The following NOL10 variants were observed in gnomAD, a reference collection of about 807,000 sequenced individuals.
The protein encoded by NOL10 is H_NH0074G24.1.
In NOL10, 58 loss-of-function variants were observed where a neutral mutation model predicts 103.5. The observed-to-expected ratio is 0.56, with a 90% CI of 0.45 to 0.70. NOL10 has a LOEUF of 0.70. NOL10 is among the 30% of genes least tolerant of loss of function. The pLI is 0.00. For synonymous variants in NOL10, 287 were observed against 282.5 expected (o/e 1.02, Z -0.16); for missense variants, 763 against 807.3 (o/e 0.95, Z 0.67).
chr2:10,654,879 A>G (rs1679722284), intron 11 of NOL10, among the ~76,000 whole-genome samples: 1 of 152,148 alleles, frequency 6.6e-6, no homozygotes, highest in South Asian at 2.1e-4. Context: ...ATCTCTCATA[A>G]TCTGTGAAGT....
intron 17 of NOL10, among the ~76,000 whole-genome samples, chr2:10,599,877 C>T (rs1400857607): frequency 6.6e-6 from 1 of 151,956 alleles, no homozygotes; most frequent in Non-Finnish European, 1.5e-5. Context: ...GTGCCAAGAG[C>T]TAGGAACAAG....
At chr2:10,625,322 C>A (rs1677391258) in intron 13 of NOL10, among the ~76,000 whole-genome samples, 1 of 151,984 alleles carries the variant, frequency 6.6e-6, no homozygotes, top group South Asian at 2.1e-4. Flanking sequence ...GCAAATGGAC[C>A]ACTCTGTTGT....
At chr2:10,669,853 C>T (rs1020004239) in intron 6 of NOL10, among the ~76,000 whole-genome samples, 1 of 151,718 alleles carries the variant, frequency 6.6e-6, no homozygotes, top group Non-Finnish European at 1.5e-5. Flanking sequence ...GATTGCACCA[C>T]TGCACTCCAG....
intron 14 of NOL10, among the ~76,000 whole-genome samples, chr2:10,606,285 A>C (rs1676253620): frequency 6.6e-6 from 1 of 151,272 alleles, no homozygotes; most frequent in Middle Eastern, 3.4e-3. Flanking sequence ...TACCCAATCC[A>C]TAGGGATGTG....
chr2:10,593,090 T>C (rs1204643975), intron 17 of NOL10, among the ~76,000 whole-genome samples: 4 of 152,190 alleles, frequency 2.6e-5, no homozygotes, highest in Admixed American at 6.5e-5. Flanking sequence ...TCCAACATAG[T>C]AACATATATG....
At chr2:10,657,249 C>T (rs1279609157) in intron 11 of NOL10, among the ~76,000 whole-genome samples, 1 of 151,530 alleles carries the variant, frequency 6.6e-6, no homozygotes, top group East Asian at 1.9e-4. Flanking sequence ...AACTGGGAGG[C>T]GGAGGTTACA....
In NOL10 at chr2:10,596,573, G is replaced by A. The variant is rs572998676; in HGVS notation, c.1422+4280C>T. 2.0e-5 allele frequency among the ~76,000 whole-genome samples: 3 copies of A among 152,268 alleles called. No individual in the cohort carries two copies. In the South Asian group the frequency reaches 6.2e-4, roughly 32 times the overall value. Reference sequence around the variant, plus strand: ...TCTAATGTGGCCACTGACCTGACAGGAGGTGGGGCTCAGGCAGTAATGTGA... The same window carrying A: ...TCTAATGTGGCCACTGACCTGACAGAAGGTGGGGCTCAGGCAGTAATGTGA... On this transcript the variant is annotated intron_variant, in intron 17 of 20. Coordinates refer to ENST00000381685, the MANE Select transcript of NOL10 (RefSeq NM_024894.4).
chr2:10,614,880 G>A (rs1388028182), intron 13 of NOL10, among the ~76,000 whole-genome samples: 1 of 152,150 alleles, frequency 6.6e-6, no homozygotes, highest in Non-Finnish European at 1.5e-5. Flanking sequence ...GTGGGAAAAT[G>A]GGATTTTGCC....
chr2:10,638,055 G>A (rs1376005777), intron 13 of NOL10, among the ~76,000 whole-genome samples: 3 of 152,332 alleles, frequency 2.0e-5, no homozygotes, highest in South Asian at 2.1e-4. Context: ...GCCAACGTGG[G>A]AGGATCGCTT....
At chr2:10,618,262 A>T (rs1485034768) in intron 13 of NOL10, among the ~76,000 whole-genome samples, 1 of 151,476 alleles carries the variant, frequency 6.6e-6, no homozygotes, top group Non-Finnish European at 1.5e-5. Flanking sequence ...AAATGAATTA[A>T]GGAGGTTATT....
intron 20 of NOL10, among the ~76,000 whole-genome samples, chr2:10,573,040 T>C (rs1230278097): frequency 6.8e-6 from 1 of 147,932 alleles, no homozygotes; most frequent in Non-Finnish European, 1.5e-5. Flanking sequence ...GTTTTGAAAA[T>C]ACAAACTCCT....
At chr2:10,656,983 T>G (rs1377627969) in intron 11 of NOL10, among the ~76,000 whole-genome samples, 1 of 152,164 alleles carries the variant, frequency 6.6e-6, no homozygotes. Flanking sequence ...TCAAATGACA[T>G]TTAGAGCTGA....
chr2:10,651,589 C>A (rs770334561), intron 12 of NOL10, among the ~76,000 whole-genome samples: 1 of 152,040 alleles, frequency 6.6e-6, no homozygotes, highest in Non-Finnish European at 1.5e-5. Context: ...CATGTCAATG[C>A]CCACGAGTGG....
intron 13 of NOL10, among the ~76,000 whole-genome samples, chr2:10,639,973 A>G (rs1384101392): frequency 6.6e-6 from 1 of 152,192 alleles, no homozygotes; most frequent in Non-Finnish European, 1.5e-5. Context: ...TGTATCAGGA[A>G]CTGCATTAGT....
At chr2:10,572,360 A>T (rs1189703623) in intron 20 of NOL10, among the ~76,000 whole-genome samples, 170 bp from the exon 21 acceptor site, 1 of 152,180 alleles carries the variant, frequency 6.6e-6, no homozygotes, top group Non-Finnish European at 1.5e-5. Context: ...CTCTGCTCTG[A>T]CAAATGCTAC....
intron 13 of NOL10, among the ~76,000 whole-genome samples, chr2:10,640,919 T>A (rs1423892623): frequency 6.6e-6 from 1 of 152,126 alleles, no homozygotes; most frequent in African/African-American, 2.4e-5. Context: ...ACTTTGGGGC[T>A]CATGCCTGTA....
chr2:10,615,131 G>A (rs927381635), intron 13 of NOL10, among the ~76,000 whole-genome samples: 1 of 152,128 alleles, frequency 6.6e-6, no homozygotes, highest in Non-Finnish European at 1.5e-5. Context: ...GCATATCCAA[G>A]TTTACATGCA....
chr2:10,665,891 T>A (rs925252209), intron 8 of NOL10, among the ~76,000 whole-genome samples: 1 of 152,200 alleles, frequency 6.6e-6, no homozygotes, highest in African/African-American at 2.4e-5. Context: ...AAATACAACT[T>A]CAACTTCTTT....
rs73169909 is a variant in NOL10, at chr2:10,673,760, T to C, written c.290-203A>G. On this transcript the variant is annotated intron_variant, in intron 4 of 20. Transcript: ENST00000381685. ...ACTTAAAAGCCTCATAATTTCTCAATACACATCAACTAGATTTCTTGTAGA... is the reference window on the plus strand; with the variant it reads ...ACTTAAAAGCCTCATAATTTCTCAACACACATCAACTAGATTTCTTGTAGA... 3.7e-3 allele frequency among the ~76,000 whole-genome samples: 565 copies of C among 152,286 alleles called. 9 individuals carry two copies. Among genetic ancestry groups the C allele is most frequent in the African/African-American group, 0.012 (505 of 41,546 alleles).
Sources: allele counts gnomAD v4.1 joint callset (sites outside exome capture counted in the v4.1 genomes callset), GRCh38; gene constraint gnomAD v4.1.1; transcripts MANE v1.5; gene names NCBI Gene and HGNC (gene_info 2026-07-23, HGNC 2026-07-21).